The following SH3RF1 variants were observed in gnomAD, a reference collection of about 807,000 sequenced individuals.
SH3RF1 encodes the protein E3 ubiquitin-protein ligase SH3RF1.
A neutral mutation model predicts 74.0 loss-of-function variants in SH3RF1; 32 were observed. The ratio of observed to expected loss-of-function variants is 0.43; its 90% CI spans 0.33 to 0.58. The LOEUF is 0.58. SH3RF1 is among the 20% of genes least tolerant of loss of function. The pLI is 0.05. For missense variants in SH3RF1, 954 were observed against 1,130.9 expected (o/e 0.84, Z 2.24); for synonymous variants, 396 against 439.6 (o/e 0.90, Z 1.24).
chr4:169,146,994 C>T (rs1377026205), intron 4 of SH3RF1, among the ~76,000 whole-genome samples: 1 of 152,146 alleles, frequency 6.6e-6, no homozygotes, highest in Non-Finnish European at 1.5e-5. Context: ...TTTAAAAGTT[C>T]AACCCTGAAA....
intron 4 of SH3RF1, among the ~76,000 whole-genome samples, chr4:169,144,690 T>C (rs1465572400): frequency 6.6e-6 from 1 of 151,796 alleles, no homozygotes; most frequent in Non-Finnish European, 1.5e-5. Flanking sequence ...GCAGGCACAC[T>C]ATAGTGAACT....
intron 2 of SH3RF1, among the ~76,000 whole-genome samples, chr4:169,234,367 G>A (rs139795296): frequency 0.01 from 1,527 of 152,120 alleles, 13 homozygotes; most frequent in Non-Finnish European, 0.014. Flanking sequence ...GTGTGAGGTT[G>A]GGAAACCCTG....
At chr4:169,150,687 C>A (rs966088933) in intron 4 of SH3RF1, among the ~76,000 whole-genome samples, 1 of 152,222 alleles carries the variant, frequency 6.6e-6, no homozygotes, top group Non-Finnish European at 1.5e-5. Flanking sequence ...GCCCCATGTC[C>A]GAGGAATGGA....
rs74569943 is a variant in SH3RF1 at position 169,144,474 on chromosome 4, T to A, written c.766-7854A>T. Among the ~76,000 whole-genome samples the A allele has an allele frequency of 5.1e-3, 781 of 152,300 alleles. 4 individuals carry two copies. The highest frequency in any genetic ancestry group is 0.017 in the African/African-American group (720 of 41,554). On this transcript the variant is annotated intron_variant, in intron 4 of 11. Transcript: ENST00000284637. ...TGGAGCCTTTTACTCACCCAAATGT[T>A]TTTTGAGTGACTGTTAAAAGCCAGG... is the stretch of plus-strand genomic sequence containing the variant.
chr4:169,246,834 A>G (rs1731001597), intron 2 of SH3RF1, among the ~76,000 whole-genome samples: 1 of 152,200 alleles, frequency 6.6e-6, no homozygotes, highest in Non-Finnish European at 1.5e-5. Context: ...TCCCATTCAA[A>G]TTTTTTCATC....
At chr4:169,270,355 CTGGGGCTGCGGCCCGGCCGGTCCCGGCG>C (rs1374098413) in intron 1 of SH3RF1, among the ~76,000 whole-genome samples, 1 of 152,090 alleles carries the variant, frequency 6.6e-6, no homozygotes, top group Non-Finnish European at 1.5e-5. Flanking sequence ...CGGTCGCGGC[CTGGGGCTGCGGCCCGGCCGGTCCCGGCG>C]TGGGGATCTC....
chr4:169,182,034 C>T (rs1040720473), intron 2 of SH3RF1, among the ~76,000 whole-genome samples: 3 of 151,810 alleles, frequency 2.0e-5, no homozygotes, highest in Non-Finnish European at 4.4e-5. Context: ...GGAGCTATGC[C>T]CAGCACATAG....
At chr4:169,199,624 A>T (rs1011927733) in intron 2 of SH3RF1, among the ~76,000 whole-genome samples, 9 of 152,126 alleles carry the variant, frequency 5.9e-5, no homozygotes, top group African/African-American at 1.4e-4. Context: ...CGCAAAAAAA[A>T]AAAAATAAAT....
intron 2 of SH3RF1, among the ~76,000 whole-genome samples, chr4:169,239,445 A>T (rs924723098): frequency 1.3e-5 from 2 of 152,208 alleles, no homozygotes; most frequent in African/African-American, 4.8e-5. Context: ...GACATCTGTG[A>T]AGGCTGACCT....
chr4:169,209,827 T>C (rs1171226336), intron 2 of SH3RF1, among the ~76,000 whole-genome samples: 1 of 152,196 alleles, frequency 6.6e-6, no homozygotes, highest in African/African-American at 2.4e-5. Flanking sequence ...TCTCACTCTG[T>C]TGCCCAGGCT....
intron 2 of SH3RF1, among the ~76,000 whole-genome samples, chr4:169,220,954 G>T (rs1200015827): frequency 6.6e-6 from 1 of 152,236 alleles, no homozygotes. Context: ...CAAGGCAGAA[G>T]TTTAGCAGAC....
intron 11 of SH3RF1, among the ~76,000 whole-genome samples, chr4:169,104,194 G>A (rs1733092587): frequency 6.6e-6 from 1 of 152,160 alleles, no homozygotes. Context: ...GAGAGTCTGG[G>A]CAAAGTGAAC....
intron 2 of SH3RF1, among the ~76,000 whole-genome samples, chr4:169,246,556 C>T (rs192870363): frequency 2.2e-4 from 33 of 152,320 alleles, no homozygotes; most frequent in Non-Finnish European, 4.1e-4. Flanking sequence ...GTGTGACTGT[C>T]TATTTAAGCA....
At chr4:169,099,202 C>T (rs920903833) in intron 11 of SH3RF1, among the ~76,000 whole-genome samples, 2 of 152,338 alleles carry the variant, frequency 1.3e-5, no homozygotes, top group Non-Finnish European at 2.9e-5. Flanking sequence ...AACTGATCTT[C>T]CTACCTCAGC....
At chr4:169,161,047 T>A (rs528546991) in intron 2 of SH3RF1, among the ~76,000 whole-genome samples, 1 of 152,288 alleles carries the variant, frequency 6.6e-6, no homozygotes, top group African/African-American at 2.4e-5. Flanking sequence ...TTCTTCTGTA[T>A]CCTCTCATCA....
chr4:169,210,027 C>T (rs1036679703), intron 2 of SH3RF1, among the ~76,000 whole-genome samples: 5 of 152,188 alleles, frequency 3.3e-5, no homozygotes, highest in African/African-American at 1.2e-4. Flanking sequence ...AACTCCTGAG[C>T]TCAAGCAATA....
chr4:169,266,574 G>A (rs935852785), intron 2 of SH3RF1, among the ~76,000 whole-genome samples: 3 of 139,278 alleles, frequency 2.2e-5, no homozygotes, highest in South Asian at 2.4e-4. Flanking sequence ...AAAGCAAAAG[G>A]TACTAGTAAC....
chr4:169,146,234 T>C (rs1217733316), intron 4 of SH3RF1, among the ~76,000 whole-genome samples: 2 of 130,276 alleles, frequency 1.5e-5, no homozygotes, highest in African/African-American at 5.8e-5. Flanking sequence ...TATATATACT[T>C]TTTTTTTTTT....
chr4:169,270,128 T>C (rs190432924), intron 1 of SH3RF1, among the ~76,000 whole-genome samples: 2 of 152,256 alleles, frequency 1.3e-5, no homozygotes, highest in East Asian at 3.9e-4. Flanking sequence ...ACCGCCAAAA[T>C]AAATGTAAAA....
Sources: gnomAD v4.1 joint callset for allele counts (sites outside exome capture counted in the v4.1 genomes callset) on GRCh38, gnomAD v4.1.1 for gene constraint, MANE v1.5 for transcripts, NCBI Gene and HGNC (gene_info 2026-07-23, HGNC 2026-07-21) for gene names.